PLXDC2: variants seen among roughly 807,000 people sequenced by gnomAD.
The protein encoded by PLXDC2 is plexin domain containing 2, also known as plexin domain-containing protein 2.
A neutral mutation model predicts 68.9 loss-of-function variants in PLXDC2; 40 were observed. The observed-to-expected ratio is 0.58, with a 90% CI of 0.45 to 0.76. The LOEUF (loss-of-function observed/expected upper bound fraction) is 0.76, where lower values mean the gene tolerates loss of function less well. Among genes scored for constraint, PLXDC2 ranks in the 30% least tolerant of loss-of-function variants. The probability of loss-of-function intolerance (pLI) is 0.00; values close to 1 mark genes in which losing one functional copy is unlikely to be tolerated. For missense variants in PLXDC2, 644 were observed against 661.9 expected (o/e 0.97, Z 0.30); for synonymous variants, 243 against 234.2 (o/e 1.04, Z -0.34).
At chr10:20,064,112 T>C (rs1836152621) in intron 3 of PLXDC2, among the ~76,000 whole-genome samples, 1 of 149,620 alleles carries the variant, frequency 6.7e-6, no homozygotes, top group African/African-American at 2.5e-5. Context: ...ACCATTTTCT[T>C]GAATCTTTTT....
chr10:19,975,886 C>T (rs554979513), intron 1 of PLXDC2, among the ~76,000 whole-genome samples: 1 of 152,182 alleles, frequency 6.6e-6, no homozygotes. Flanking sequence ...CGCCTGTAAT[C>T]CCAGCTACTT....
intron 9 of PLXDC2, among the ~76,000 whole-genome samples, chr10:20,192,237 T>G (rs1192062257): frequency 6.6e-6 from 1 of 152,062 alleles, no homozygotes; most frequent in Admixed American, 6.6e-5. Context: ...ACCAAGTATG[T>G]GCACAGACTG....
At chr10:19,881,138 C>T (rs1056233669) in intron 1 of PLXDC2, among the ~76,000 whole-genome samples, 10 of 151,308 alleles carry the variant, frequency 6.6e-5, no homozygotes, top group South Asian at 2.1e-4. Flanking sequence ...TTTTTTGAGA[C>T]GGAATCTTGC....
chr10:19,976,724 C>T (rs1834462714), intron 1 of PLXDC2, among the ~76,000 whole-genome samples: 1 of 152,036 alleles, frequency 6.6e-6, no homozygotes, highest in African/African-American at 2.4e-5. Context: ...TTAATTTTCT[C>T]CCCCTCTATA....
intron 12 of PLXDC2, among the ~76,000 whole-genome samples, chr10:20,226,669 G>T (rs1835291376): frequency 6.6e-6 from 1 of 152,134 alleles, no homozygotes; most frequent in Non-Finnish European, 1.5e-5. Flanking sequence ...AGTTTATGCT[G>T]CCGATAGGAC....
At chr10:20,269,438 C>T (rs1835908826) in intron 13 of PLXDC2, among the ~76,000 whole-genome samples, 1 of 152,026 alleles carries the variant, frequency 6.6e-6, no homozygotes, top group Non-Finnish European at 1.5e-5. Context: ...GGAGGAATCT[C>T]ATTAAAGACA....
chr10:20,174,334 T>G (rs749046655), intron 7 of PLXDC2, among the ~76,000 whole-genome samples: 35 of 152,154 alleles, frequency 2.3e-4, no homozygotes, highest in Non-Finnish European at 4.4e-4. Context: ...GTGATTTATA[T>G]ACTTCATGAA....
chr10:19,965,801 A>C (rs1208253121), intron 1 of PLXDC2, among the ~76,000 whole-genome samples: 1 of 152,018 alleles, frequency 6.6e-6, no homozygotes, highest in South Asian at 2.1e-4. Flanking sequence ...AGACTCTGGC[A>C]TGGCCTCAAA....
At chr10:20,105,306 C>A (rs1192926150) in intron 4 of PLXDC2, among the ~76,000 whole-genome samples, 1 of 152,160 alleles carries the variant, frequency 6.6e-6, no homozygotes, top group Non-Finnish European at 1.5e-5. Flanking sequence ...TGTTTTTGGA[C>A]TGGCTTGAAG....
At chr10:19,849,443 C>A (rs955527796) in intron 1 of PLXDC2, among the ~76,000 whole-genome samples, 1 of 152,088 alleles carries the variant, frequency 6.6e-6, no homozygotes, top group South Asian at 2.1e-4. Flanking sequence ...CATCTTGAAT[C>A]GTAGTTCCCA....
chr10:19,965,721 G>T (rs560364443), intron 1 of PLXDC2, among the ~76,000 whole-genome samples: 11 of 142,568 alleles, frequency 7.7e-5, no homozygotes, highest in South Asian at 4.7e-4. Context: ...TTTTTTTTGG[G>T]GGGGGGGGTT....
chr10:19,879,516 T>TGCTTGTA (rs1837691745), intron 1 of PLXDC2, among the ~76,000 whole-genome samples: 3 of 152,204 alleles, frequency 2.0e-5, no homozygotes. Context: ...CTTTGCCAAG[T>TGCTTGTA]GCTTGTATTT....
chr10:20,141,813 G>A (rs1003488213), intron 4 of PLXDC2, among the ~76,000 whole-genome samples: 1 of 152,052 alleles, frequency 6.6e-6, no homozygotes, highest in African/African-American at 2.4e-5. Context: ...TGAGCTGTGT[G>A]AAATTACAAA....
chr10:20,014,831 G>GA (rs1304019839), intron 2 of PLXDC2, among the ~76,000 whole-genome samples: 2 of 151,952 alleles, frequency 1.3e-5, no homozygotes, highest in Non-Finnish European at 2.9e-5. Context: ...AATCACAAAA[G>GA]AAAAAACTCT....
chr10:19,919,170 C>T (rs550420403), intron 1 of PLXDC2, among the ~76,000 whole-genome samples: 46 of 152,296 alleles, frequency 3.0e-4, no homozygotes, highest in African/African-American at 9.4e-4. Flanking sequence ...TCTGATTATT[C>T]CTAATAGTGT....
At chr10:20,013,108 T>A (rs1292535759) in intron 2 of PLXDC2, among the ~76,000 whole-genome samples, 1 of 152,216 alleles carries the variant, frequency 6.6e-6, no homozygotes, top group African/African-American at 2.4e-5. Context: ...AACAAAGCTA[T>A]ATAAATCATT....
Position 20,211,656 on chromosome 10 carries a change from G to T in PLXDC2, c.1062-13G>T, listed in dbSNP as rs1835070814. ...CCTTCCTTTTCTGAACTGCATTGTG[G>T]TCTTCTTTGAAGATGTTCCAGTGGA... On this transcript the variant is annotated splice_polypyrimidine_tract_variant and intron_variant, in intron 9 of 13. Coordinates refer to ENST00000377252, the MANE Select transcript of PLXDC2 (RefSeq NM_032812.9). The T allele has an allele frequency of 6.2e-7, 1 of 1,612,778 alleles. No individual in the cohort carries two copies.
chr10:19,853,807 G>T (rs574924709), intron 1 of PLXDC2, among the ~76,000 whole-genome samples: 2 of 152,296 alleles, frequency 1.3e-5, no homozygotes, highest in South Asian at 4.1e-4. Context: ...TGTTGGAAAT[G>T]AACAAATCTT....
intron 1 of PLXDC2, among the ~76,000 whole-genome samples, chr10:19,886,679 G>A (rs1165987312): frequency 2.0e-5 from 3 of 152,138 alleles, no homozygotes; most frequent in Admixed American, 1.3e-4. Flanking sequence ...TACTGAATGG[G>A]CAAAAACTGG....
Sources: gnomAD v4.1 joint callset for allele counts (sites outside exome capture counted in the v4.1 genomes callset) on GRCh38, gnomAD v4.1.1 for gene constraint, MANE v1.5 for transcripts, NCBI Gene and HGNC (gene_info 2026-07-23, HGNC 2026-07-21) for gene names.